KEL: variants seen among roughly 807,000 people sequenced by gnomAD.
The protein encoded by KEL is kell blood group glycoprotein.
KEL carries 96 observed loss-of-function variants against 99.5 expected under a neutral mutation model. The observed-to-expected ratio is 0.97, with a 90% CI of 0.82 to 1.14. KEL has a LOEUF of 1.14. Ranked by LOEUF, KEL falls within the 50% of genes most tolerant of loss-of-function variation. The probability of loss-of-function intolerance (pLI) is 0.00; values close to 1 mark genes in which losing one functional copy is unlikely to be tolerated. For missense variants in KEL, 926 were observed against 924.2 expected, an observed-to-expected ratio of 1.00 and a Z score of -0.03; for synonymous variants, 355 against 354.8, an observed-to-expected ratio of 1.00 and a Z score of -0.01.
intron 9 of KEL, chr7:142,953,371 T>A (rs1360132953): frequency 1.0e-6 from 1 of 984,846 alleles, no homozygotes; most frequent in East Asian, 1.1e-4. Flanking sequence ...CCCCTAAGCA[T>A]CCCCAGCCTT....
In KEL at chr7:142,961,071, C is replaced by T. The variant is rs777011308; in HGVS notation, c.257G>A (p.Arg86Gln). Reference sequence around the variant, plus strand: ...GTTCCCAGAGGCCAGGTAATGATCCCGGAGATCCAAACACACAGATGTCTC... The same window carrying T: ...GTTCCCAGAGGCCAGGTAATGATCCTGGAGATCCAAACACACAGATGTCTC... ...PCETSVCLDLRDHYLASGNTS... is the reference protein window; with the variant it reads ...PCETSVCLDLQDHYLASGNTS... Residue 86 changes from arginine to glutamine, a missense_variant, in exon 4 of 19, where the codon CGG (arginine) becomes CAG (glutamine). Physicochemically the swap from Arg to Gln is conservative, Grantham distance 43. Transcript: ENST00000355265. The T allele has an allele frequency of 1.7e-5, 28 of 1,613,950 alleles. No homozygotes were observed. Among genetic ancestry groups the T allele is most frequent in the South Asian group, 3.3e-5 (3 of 91,084 alleles).
chr7:142,942,634 T>C (rs1263406961), intron 17 of KEL, 105 bp from the exon 18 acceptor site: 4 of 919,798 alleles, frequency 4.3e-6, no homozygotes, highest in African/African-American at 3.3e-5. Flanking sequence ...TCACTGGTTC[T>C]GCACTGACTA....
chr7:142,954,038 G>T, intron 8 of KEL, 82 bp from the exon 9 acceptor site: 1 of 1,551,094 alleles, frequency 6.4e-7, no homozygotes, highest in Non-Finnish European at 8.8e-7. Context: ...GTGAGAAAAA[G>T]AAGAGAACAG....
chr7:142,946,798 G>A (rs914581735), intron 10 of KEL, among the ~76,000 whole-genome samples: 7 of 152,198 alleles, frequency 4.6e-5, no homozygotes, highest in Non-Finnish European at 5.9e-5. Context: ...GGTGGGCATG[G>A]TGTATCATAC....
In KEL at chr7:142,941,237, T is replaced by A. The variant is rs1796343419; in HGVS notation, c.*15A>T. 1 of 1,613,784 alleles carries A rather than the reference T, an allele frequency of 6.2e-7. No homozygotes were observed. Among genetic ancestry groups the A allele is most frequent in the Non-Finnish European group, 8.5e-7 (1 of 1,179,818 alleles). On this transcript the variant is annotated 3_prime_UTR_variant, in exon 19 of 19. Coordinates refer to ENST00000355265, the MANE Select transcript of KEL (RefSeq NM_000420.3). ...TGGTCGATATTTCTGTGCTGTGGCA[T>A]CTTTGGTAACCAAGTTACCAGAGCT... is the stretch of plus-strand genomic sequence containing the variant.
At chr7:142,942,617 C>T (rs899363807) in intron 17 of KEL, 88 bp from the exon 18 acceptor site, 8 of 1,019,964 alleles carry the variant, frequency 7.8e-6, no homozygotes, top group Admixed American at 6.0e-5. Flanking sequence ...AAACCCATGG[C>T]CCTTGCTCAC....
rs1014517515 is a variant in KEL at position 142,962,220 on chromosome 7, G to A, written c.-14C>T. The stretch of plus-strand genomic sequence containing the variant: ...GGGACTTACCATCTGTCTATCTTCT[G>A]TGGCTCCAGAATCCTTCCTGGTTCC... On this transcript the variant is annotated 5_prime_UTR_variant, in exon 1 of 19. Transcript: ENST00000355265. The A allele has an allele frequency of 1.9e-6, 3 of 1,614,142 alleles. No homozygotes were observed. Among genetic ancestry groups the A allele is most frequent in the East Asian group, 2.2e-5 (1 of 44,884 alleles).
intron 13 of KEL, 65 bp downstream of exon 13, chr7:142,944,258 A>G: frequency 7.8e-7 from 1 of 1,275,862 alleles, no homozygotes. Flanking sequence ...ACAAAGACTT[A>G]GGAGGGTCAG....
chr7:142,944,780 G>A (rs751989887), intron 11 of KEL, 39 bp from the exon 12 acceptor site: 11 of 1,514,276 alleles, frequency 7.3e-6, no homozygotes, highest in Non-Finnish European at 9.2e-6. Context: ...GACAGGATCA[G>A]GAGAGGCCTC....
chr7:142,943,123 C>T lies in KEL; in HGVS notation c.1772-79G>A, dbSNP rs960927472. On this transcript the variant is annotated intron_variant, in intron 16 of 18. Coordinates refer to ENST00000355265, the MANE Select transcript of KEL (RefSeq NM_000420.3). ...GCCTAGGTGAGGATGTGGGTGGTACCACAGACTGAATCAGCTCCCAGGAGC... is the reference window on the plus strand; with the variant it reads ...GCCTAGGTGAGGATGTGGGTGGTACTACAGACTGAATCAGCTCCCAGGAGC... 3.2e-6 allele frequency: 5 copies of T among 1,579,270 alleles called. No individual in the cohort carries two copies. The African/African-American group carries it at 5.4e-5, about 17-fold the overall frequency.
In KEL at chr7:142,946,219, G is replaced by A; in HGVS notation, c.1302C>T (p.Ser434=). ...AGCTCTCACATACAGCACTTCGGGT[G>A]CTCGGGCCAAAGGCCTCACGAACAA... is the stretch of plus-strand genomic sequence containing the variant. The part of the protein sequence containing the change: ...ALFVREAFGP[S]TRSAAMKLFT... The change falls in exon 11 of 19, where the codon AGC becomes AGT. Residue 434 remains serine, a synonymous_variant. Transcript: ENST00000355265. 2 of 1,613,352 alleles carry A rather than the reference G, an allele frequency of 1.2e-6. No individual in the cohort carries two copies.
intron 1 of KEL, 81 bp from the exon 2 acceptor site, chr7:142,961,953 T>C: frequency 1.9e-6 from 3 of 1,602,532 alleles, no homozygotes; most frequent in South Asian, 1.1e-5. Context: ...TCAGGCCATT[T>C]TGATACCCTC....
intron 9 of KEL, 127 bp downstream of exon 9, chr7:142,953,681 G>A (rs1177926822): frequency 2.7e-6 from 3 of 1,116,548 alleles, no homozygotes; most frequent in African/African-American, 1.5e-5. Flanking sequence ...CAGGTGGCAG[G>A]TTCCTCTTAT....
chr7:142,944,694 G>T lies in KEL; in HGVS notation c.1362C>A (p.Leu454=). 1 of 1,614,172 alleles carries T rather than the reference G, an allele frequency of 6.2e-7. No homozygotes were observed. The highest frequency in any genetic ancestry group is 8.5e-7 in the Non-Finnish European group (1 of 1,180,034). The change falls in exon 12 of 19, where the codon CTC becomes CTA. Residue 454 remains leucine, a synonymous_variant. Coordinates refer to ENST00000355265, the MANE Select transcript of KEL (RefSeq NM_000420.3). ...TAIRDALITR[L]RNLPWMNEET... ...CCTCATTCATCCAGGGAAGGTTTCT[G>T]AGGCGAGTGATGAGGGCATCCCGGA...
At chr7:142,942,782 T>C in intron 17 of KEL, 93 bp downstream of exon 17, 17 of 1,485,160 alleles carry the variant, frequency 1.1e-5, no homozygotes, top group Non-Finnish European at 1.6e-5. Flanking sequence ...GCCATGCAAC[T>C]GTACTTGTGT....
intron 4 of KEL, among the ~76,000 whole-genome samples, 183 bp from the exon 5 acceptor site, chr7:142,958,611 G>T (rs1796886793): frequency 6.6e-6 from 1 of 152,156 alleles, no homozygotes; most frequent in Non-Finnish European, 1.5e-5. Flanking sequence ...ACGAGACAAA[G>T]AAGAAAACAA....
At chr7:142,958,014 G>A in intron 5 of KEL, 41 bp from the exon 6 acceptor site, 3 of 1,603,496 alleles carry the variant, frequency 1.9e-6, no homozygotes, top group Non-Finnish European at 2.6e-6. Flanking sequence ...AGGATCCGTG[G>A]AGCCCATCCC....
chr7:142,958,570 T>G, intron 4 of KEL, 142 bp from the exon 5 acceptor site: 1 of 779,416 alleles, frequency 1.3e-6, no homozygotes, highest in Non-Finnish European at 2.1e-6. Flanking sequence ...GTAACATGAT[T>G]TACTTTCTAA....
At chr7:142,950,717 A>T (rs1431130707) in intron 10 of KEL, among the ~76,000 whole-genome samples, 1 of 152,210 alleles carries the variant, frequency 6.6e-6, no homozygotes, top group East Asian at 1.9e-4. Context: ...AGTTTGTAAC[A>T]CCAACCATTT....
Sources: gnomAD v4.1 joint callset for allele counts (sites outside exome capture counted in the v4.1 genomes callset) on GRCh38, gnomAD v4.1.1 for gene constraint, MANE v1.5 for transcripts, NCBI Gene and HGNC (gene_info 2026-07-23, HGNC 2026-07-21) for gene names.